The following SLC22A5 variants were observed in gnomAD, a reference collection of about 807,000 sequenced individuals.
The protein encoded by SLC22A5 is organic cation/carnitine transporter 2.
A neutral mutation model predicts 56.7 loss-of-function variants in SLC22A5; 44 were observed. The observed-to-expected ratio is 0.78, with a 90% confidence interval of 0.61 to 1.00. The LOEUF is 1.00. SLC22A5 is among the 50% of genes least tolerant of loss of function. The pLI, the probability that SLC22A5 is intolerant of heterozygous loss-of-function variation, is 0.00. For synonymous variants in SLC22A5, 278 were observed against 292.1 expected (o/e 0.95, Z 0.49); for missense variants, 675 against 723.0 (o/e 0.93, Z 0.76).
chr5:132,387,507 T>C (rs867606029), intron 5 of SLC22A5, among the ~76,000 whole-genome samples: 106 of 152,354 alleles, frequency 7.0e-4, no homozygotes, highest in African/African-American at 2.5e-3. Flanking sequence ...TTGTTTCTTA[T>C]ACCTAAGGTG....
intron 2 of SLC22A5, chr5:132,379,583 C>G (rs1437581774): frequency 6.6e-6 from 1 of 152,230 alleles, no homozygotes; most frequent in African/African-American, 2.4e-5. Flanking sequence ...CTCGCAGGTT[C>G]AAGAGATTCT....
At chr5:132,390,484 C>T (rs145237528) in intron 6 of SLC22A5, 14 of 640,802 alleles carry the variant, frequency 2.2e-5, no homozygotes, top group East Asian at 1.7e-4. Context: ...AGCGCACTGG[C>T]GCAGGGTTTA....
chr5:132,393,598 C>A, intron 8 of SLC22A5, 78 bp from the exon 9 acceptor site: 1 of 1,526,580 alleles, frequency 6.6e-7, no homozygotes. Flanking sequence ...TTCCAGAGTC[C>A]TGGGAGCATA....
intron 6 of SLC22A5, chr5:132,389,855 G>C (rs1297352802): frequency 6.5e-6 from 1 of 154,502 alleles, no homozygotes; most frequent in Non-Finnish European, 1.4e-5. Flanking sequence ...CATGTAGCCT[G>C]CACCACAGAC....
intron 1 of SLC22A5, among the ~76,000 whole-genome samples, chr5:132,375,203 A>C (rs1188088898): frequency 1.3e-5 from 2 of 152,224 alleles, no homozygotes; most frequent in Non-Finnish European, 2.9e-5. Context: ...CTATGTACCA[A>C]AGAGCTCCTG....
Position 132,394,782 on chromosome 5 carries a change from A to T in SLC22A5, c.*510A>T, listed in dbSNP as rs1200636931. 1 of 170,318 alleles carries T rather than the reference A, an allele frequency of 5.9e-6. No individual in the cohort carries two copies. The highest frequency in any genetic ancestry group is 5.6e-5 in the Admixed American group (1 of 17,926). The allele number at this position is 170,318 out of a possible 1,614,324, so 10.6% of individuals were successfully genotyped here. ...ACATTAACTGGATCATTGCTTCCCCAGGGCAGGAGAGCGCAGAGCTAGGGA... is the reference window on the plus strand; with the variant it reads ...ACATTAACTGGATCATTGCTTCCCCTGGGCAGGAGAGCGCAGAGCTAGGGA... On this transcript the variant is annotated 3_prime_UTR_variant, in exon 10 of 10. Coordinates refer to ENST00000245407, the MANE Select transcript of SLC22A5 (RefSeq NM_003060.4).
intron 1 of SLC22A5, among the ~76,000 whole-genome samples, chr5:132,374,479 C>T (rs1188150011): frequency 6.6e-6 from 1 of 152,178 alleles, no homozygotes; most frequent in East Asian, 1.9e-4. Flanking sequence ...CCGGGGCTGA[C>T]TCTGGGCAGC....
At chr5:132,371,273 C>T (rs1233040877) in intron 1 of SLC22A5, among the ~76,000 whole-genome samples, 1 of 152,170 alleles carries the variant, frequency 6.6e-6, no homozygotes, top group Non-Finnish European at 1.5e-5. Context: ...TCAGTTGTCA[C>T]TCTTTAAGAT....
chr5:132,388,628 A>G (rs1047467223), intron 5 of SLC22A5, among the ~76,000 whole-genome samples: 1 of 152,108 alleles, frequency 6.6e-6, no homozygotes, highest in African/African-American at 2.4e-5. Context: ...CGACAGGAAT[A>G]TGTGGGGGTG....
At chr5:132,377,858 C>CG in intron 1 of SLC22A5, 1 of 377,648 alleles carries the variant, frequency 2.6e-6, no homozygotes, top group Non-Finnish European at 4.8e-6. Context: ...AAAAAGGACC[C>CG]GGGGGTCATT....
At chr5:132,393,874 C>G in intron 9 of SLC22A5, 63 bp downstream of exon 9, 9 of 1,586,018 alleles carry the variant, frequency 5.7e-6, no homozygotes, top group Non-Finnish European at 7.8e-6. Context: ...GTCTCAGGAG[C>G]CCCTCACAAT....
At chr5:132,381,282 C>T (rs1391645502) in intron 2 of SLC22A5, 2 of 152,160 alleles carry the variant, frequency 1.3e-5, no homozygotes, top group Admixed American at 1.3e-4. Flanking sequence ...GTTTTTCAAA[C>T]CTTTCTAAAC....
chr5:132,391,032 C>T lies in SLC22A5; in HGVS notation c.1267+128C>T, dbSNP rs1399688945. 3 of 782,862 alleles carry T rather than the reference C, an allele frequency of 3.8e-6. No individual in the cohort carries two copies. In the African/African-American group the frequency reaches 5.2e-5, roughly 13 times the overall value. The allele number at this position is 782,862 out of a possible 1,614,324, so 48.5% of individuals were successfully genotyped here. A position where few individuals can be genotyped will look rare whatever the true frequency, so the allele number is the denominator to read the frequency against. ...CTCCCTTGCTTATATACATTCTTGG[C>T]CTAAAAATCAATAGAAAGTGTCTTC... On this transcript the variant is annotated intron_variant, in intron 7 of 9. Transcript: ENST00000245407.
intron 7 of SLC22A5, among the ~76,000 whole-genome samples, chr5:132,391,477 A>G (rs144609880): frequency 1.2e-3 from 176 of 152,346 alleles, no homozygotes; most frequent in East Asian, 8.5e-3. Flanking sequence ...GTGTCCCTGA[A>G]CAGGGGGCAG....
chr5:132,395,446 AT>A lies in SLC22A5; in HGVS notation c.*1178del, dbSNP rs1329620868. On this transcript the variant is annotated 3_prime_UTR_variant, in exon 10 of 10. Transcript: ENST00000245407. Reference sequence around the variant, plus strand: ...TAGTCCTGTAACTTTATTGGGTGATATTTTGTGTTCAGTGTAATTGTCTTCT... The same window carrying A: ...TAGTCCTGTAACTTTATTGGGTGATATTTGTGTTCAGTGTAATTGTCTTCT... The A allele has an allele frequency of 6.6e-6, 1 of 152,650 alleles. No individual in the cohort carries two copies. The highest frequency in any genetic ancestry group is 6.5e-5 in the Admixed American group (1 of 15,270). The allele number at this position is 152,650 out of a possible 1,614,324, so 9.5% of individuals were successfully genotyped here. A position where few individuals can be genotyped will look rare whatever the true frequency, so the allele number is the denominator to read the frequency against.
chr5:132,390,701 C>T lies in SLC22A5; in HGVS notation c.1064C>T (p.Ser355Leu), dbSNP rs1385634398. The change falls in exon 7 of 10, where the codon TCA (serine) becomes TTA (leucine). Residue 355 changes from serine (S) to leucine (L), a missense_variant. Ser to Leu is a moderately radical substitution (Grantham distance 145). Coordinates refer to ENST00000245407, the MANE Select transcript of SLC22A5 (RefSeq NM_003060.4). The part of the protein sequence containing the change: ...IMSIMLWMTI[S>L]VGYFGLSLDT... ...GCACTCTGTTTCAGGATGACCATATCAGTGGGCTATTTTGGGCTTTCGCTT... is the reference window on the plus strand; with the variant it reads ...GCACTCTGTTTCAGGATGACCATATTAGTGGGCTATTTTGGGCTTTCGCTT... 1.2e-6 allele frequency: 2 copies of T among 1,613,150 alleles called. No individual in the cohort carries two copies. The highest frequency in any genetic ancestry group is 4.5e-5 in the East Asian group (2 of 44,888).
In SLC22A5 at chr5:132,370,224, C is replaced by T. The variant is rs1253026669; in HGVS notation, c.252C>T (p.Tyr84=). Residue 84 remains tyrosine (Y), a synonymous_variant, in exon 1 of 10, where the codon TAC becomes TAT. Transcript: ENST00000245407. ...GREVPHSCRR[Y]RLATIANFSA... is the part of the protein sequence containing the mutation. Reference sequence around the variant, plus strand: ...AGGTGCCCCACAGCTGCCGCCGCTACCGGCTCGCCACCATCGCCAACTTCT... The same window carrying T: ...AGGTGCCCCACAGCTGCCGCCGCTATCGGCTCGCCACCATCGCCAACTTCT... The T allele has an allele frequency of 1.3e-6, 2 of 1,575,396 alleles. No homozygotes were observed. The highest frequency in any genetic ancestry group is 1.7e-6 in the Non-Finnish European group (2 of 1,162,260).
rs1342249680 is a variant in SLC22A5, at chr5:132,387,167, G to A, written c.951+16G>A. The A allele has an allele frequency of 1.2e-6, 2 of 1,614,086 alleles. No individual in the cohort carries two copies. Among genetic ancestry groups the A allele is most frequent in the South Asian group, 2.2e-5 (2 of 91,084 alleles). The stretch of plus-strand genomic sequence containing the variant: ...CCCGAGTGAGGTAAGCACCATGTGG[G>A]TGTGGGTGAGAGGGACAGACTGACC... On this transcript the variant is annotated intron_variant, in intron 5 of 9. Transcript: ENST00000245407.
rs763424726 is a variant in SLC22A5 at position 132,393,776 on chromosome 5, C to T, written c.1551C>T (p.Leu517=). The part of the protein sequence containing the change: ...LFLPESFGTP[L]PDTIDQMLRV... ...TCCCAGAGAGCTTCGGTACCCCACT[C>T]CCAGACACCATTGACCAGATGCTAA... The change falls in exon 9 of 10, where the codon CTC becomes CTT. Residue 517 remains leucine (L), a synonymous_variant. Transcript: ENST00000245407. 2.5e-6 allele frequency: 4 copies of T among 1,614,190 alleles called. No homozygotes were observed. Among genetic ancestry groups the T allele is most frequent in the South Asian group, 2.2e-5 (2 of 91,090 alleles).
Sources: gnomAD v4.1 joint callset for allele counts (sites outside exome capture counted in the v4.1 genomes callset) on GRCh38, gnomAD v4.1.1 for gene constraint, MANE v1.5 for transcripts, NCBI Gene and HGNC (gene_info 2026-07-23, HGNC 2026-07-21) for gene names.